The following COLEC12 variants were observed in gnomAD, a reference collection of about 807,000 sequenced individuals.
COLEC12 encodes collectin-12.
A neutral mutation model predicts 71.1 loss-of-function variants in COLEC12; 33 were observed. The observed-to-expected ratio is 0.46, with a 90% CI of 0.35 to 0.62. The LOEUF (loss-of-function observed/expected upper bound fraction) is 0.62, where lower values mean the gene tolerates loss of function less well. Ranked by LOEUF, COLEC12 falls within the 20% of genes least tolerant of loss-of-function variation. The pLI, the probability that COLEC12 is intolerant of heterozygous loss-of-function variation, is 0.00. For synonymous variants in COLEC12, 350 were observed against 353.0 expected, an observed-to-expected ratio of 0.99 and a Z score of 0.10; for missense variants, 765 against 916.1, an observed-to-expected ratio of 0.84 and a Z score of 2.13.
chr18:328,194 C>T (rs987231792), intron 8 of COLEC12, among the ~76,000 whole-genome samples: 1 of 152,166 alleles, frequency 6.6e-6, no homozygotes, highest in African/African-American at 2.4e-5. Context: ...AATAATTGTT[C>T]ATAATCGTCT....
chr18:339,690 A>C (rs1004030985), intron 5 of COLEC12, among the ~76,000 whole-genome samples: 9 of 152,136 alleles, frequency 5.9e-5, no homozygotes, highest in African/African-American at 1.9e-4. Flanking sequence ...TCCAAAAACC[A>C]CAAAGGAGCT....
Position 408,554 on chromosome 18 carries a change from G to C in COLEC12, c.59-51032C>G, listed in dbSNP as rs1353568383. On this transcript the variant is annotated intron_variant, in intron 2 of 9. Coordinates refer to ENST00000400256, the MANE Select transcript of COLEC12 (RefSeq NM_130386.3). This position sits in a 1 kb window ranked among gnomAD's most constrained non-coding sequence, Gnocchi z 4.3. ...AGATTAAGCTTGAATTATTCATAGC[G>C]GTCTCAAAGTTGAAATCCTCCAGGG... 3.3e-5 allele frequency among the ~76,000 whole-genome samples: 5 copies of C among 151,804 alleles called. No individual in the cohort carries two copies. Among genetic ancestry groups the C allele is most frequent in the Non-Finnish European group, 7.4e-5 (5 of 67,972 alleles).
chr18:334,888 C>A lies in COLEC12; in HGVS notation c.1670G>T (p.Gly557Val). 1 of 1,525,658 alleles carries A rather than the reference C, an allele frequency of 6.6e-7. No individual in the cohort carries two copies. The highest frequency in any genetic ancestry group is 8.7e-7 in the Non-Finnish European group (1 of 1,146,314). The allele number at this position is 1,525,658 out of a possible 1,614,324, so 94.5% of individuals were successfully genotyped here. A position where few individuals can be genotyped will look rare whatever the true frequency, so the allele number is the denominator to read the frequency against. ...QGLQGTVGEP[G>V]VPGPRGLPGL... ...TGGCAGTCCCCGAGGTCCAGGCACC[C>A]CAGGCTCCCCAACGGTGCCCTGAAG... Residue 557 changes from glycine to valine, a missense_variant, in exon 6 of 10, where the codon GGG becomes GTG. Transcript: ENST00000400256.
chr18:475,930 G>A (rs759024613), intron 2 of COLEC12, among the ~76,000 whole-genome samples: 21 of 152,184 alleles, frequency 1.4e-4, no homozygotes, highest in Non-Finnish European at 2.2e-4. Context: ...GATTTCTCAG[G>A]CTGCTTCGAC....
At chr18:441,164 C>T (rs921260183) in intron 2 of COLEC12, among the ~76,000 whole-genome samples, 13 of 148,728 alleles carry the variant, frequency 8.7e-5, no homozygotes, top group African/African-American at 1.2e-4. Context: ...AGGAGAATGG[C>T]GTGAACCCGG....
intron 2 of COLEC12, among the ~76,000 whole-genome samples, chr18:380,466 T>C (rs1598345270): frequency 7.4e-6 from 1 of 134,254 alleles, no homozygotes; most frequent in South Asian, 2.6e-4. Context: ...TCATCAGTCA[T>C]TGTAATAGGG....
At chr18:377,031 A>C (rs1272733776) in intron 2 of COLEC12, among the ~76,000 whole-genome samples, 1 of 152,236 alleles carries the variant, frequency 6.6e-6, no homozygotes, top group Non-Finnish European at 1.5e-5. Context: ...AAATAGAAGA[A>C]GGATAGATGT....
rs144504167 is a variant in COLEC12, at chr18:494,145, G to A, written c.7+6363C>T. ...CATTTTTTATGATGATAGCAGTGAC[G>A]GCAGCTGGAATGCAACCAATACTAA... is the stretch of plus-strand genomic sequence containing the variant. On this transcript the variant is annotated intron_variant, in intron 1 of 9. Coordinates refer to ENST00000400256, the MANE Select transcript of COLEC12 (RefSeq NM_130386.3). 7.9e-5 allele frequency among the ~76,000 whole-genome samples: 12 copies of A among 152,244 alleles called. No homozygotes were observed. The East Asian group carries it at 1.5e-3, about 20-fold the overall frequency.
At chr18:403,985 G>A (rs1342439697) in intron 2 of COLEC12, among the ~76,000 whole-genome samples, 4 of 152,136 alleles carry the variant, frequency 2.6e-5, no homozygotes, top group African/African-American at 9.7e-5. Context: ...ATGTATTCCT[G>A]GTTGGTTGGG....
chr18:422,504 T>C (rs2846648), intron 2 of COLEC12, among the ~76,000 whole-genome samples: 103,682 of 152,040 alleles, frequency 0.68, 36,255 homozygotes, highest in East Asian at 1. Context: ...ACTCAAGATA[T>C]ACAAATGCAT....
chr18:420,941 G>A (rs1043193634), intron 2 of COLEC12, among the ~76,000 whole-genome samples: 1 of 152,010 alleles, frequency 6.6e-6, no homozygotes, highest in Non-Finnish European at 1.5e-5. Flanking sequence ...ATCATCCCAG[G>A]GCCAGGTACC....
At chr18:405,159 T>C (rs1206790907) in intron 2 of COLEC12, among the ~76,000 whole-genome samples, 3 of 152,150 alleles carry the variant, frequency 2.0e-5, no homozygotes, top group African/African-American at 7.2e-5. Context: ...AACCCTGTTT[T>C]CTGTTATTTA....
At chr18:490,739 G>A (rs1293713931) in intron 1 of COLEC12, among the ~76,000 whole-genome samples, 1 of 152,204 alleles carries the variant, frequency 6.6e-6, no homozygotes, top group South Asian at 2.1e-4. Flanking sequence ...TGAAACCACA[G>A]AAGACGCAGT....
chr18:342,124 C>G (rs1468895563), intron 5 of COLEC12, among the ~76,000 whole-genome samples: 1 of 152,090 alleles, frequency 6.6e-6, no homozygotes, highest in African/African-American at 2.4e-5. Flanking sequence ...ATGGTGAGAT[C>G]TCAGCTCACC....
intron 2 of COLEC12, among the ~76,000 whole-genome samples, chr18:429,207 TTTTG>T (rs1916253473): frequency 6.6e-6 from 1 of 151,932 alleles, no homozygotes; most frequent in Non-Finnish European, 1.5e-5. Flanking sequence ...TTTATGTTTT[TTTTG>T]TTTTGATTTG....
At chr18:468,621 C>T (rs114511932) in intron 2 of COLEC12, among the ~76,000 whole-genome samples, 3,922 of 152,214 alleles carry the variant, frequency 0.026, 159 homozygotes, top group African/African-American at 0.09. Context: ...AACTTTAATT[C>T]CCCATCTTTG....
Position 451,896 on chromosome 18 carries a change from G to A in COLEC12, c.58+28811C>T, listed in dbSNP as rs1490821061. Among the ~76,000 whole-genome samples the A allele has an allele frequency of 7.9e-5, 12 of 152,194 alleles. No individual in the cohort carries two copies. In the South Asian group the frequency reaches 8.3e-4, roughly 11 times the overall value. The stretch of plus-strand genomic sequence containing the variant: ...AATCAAGGTGCCTACAGAAATTCAC[G>A]TAAGTAAAGAGGAGCCAAGTATTAT... On this transcript the variant is annotated intron_variant, in intron 2 of 9. Coordinates refer to ENST00000400256, the MANE Select transcript of COLEC12 (RefSeq NM_130386.3).
intron 6 of COLEC12, chr18:333,972 G>A (rs1914044716): frequency 6.6e-6 from 1 of 152,588 alleles, no homozygotes. Flanking sequence ...CTTGAGGCCA[G>A]GAGTTCAAGA....
chr18:467,421 T>C (rs1917109312), intron 2 of COLEC12, among the ~76,000 whole-genome samples: 2 of 152,226 alleles, frequency 1.3e-5, no homozygotes, highest in African/African-American at 4.8e-5. Flanking sequence ...CAGCTCCCAA[T>C]GGGCCATCTT....
Sources: allele counts gnomAD v4.1 joint callset (sites outside exome capture counted in the v4.1 genomes callset), GRCh38; gene constraint gnomAD v4.1.1; non-coding constraint Gnocchi (gnomAD v3.1); transcripts MANE v1.5; gene names NCBI Gene and HGNC (gene_info 2026-07-23, HGNC 2026-07-21).